OLA1: variants seen among roughly 807,000 people sequenced by gnomAD.
The protein encoded by OLA1 is Obg like ATPase 1.
Under a neutral mutation model 48.4 loss-of-function variants are expected in OLA1, and 14 were observed. The observed-to-expected ratio is 0.29, with a 90% confidence interval of 0.19 to 0.45. The LOEUF is 0.45. OLA1 is among the 20% of genes least tolerant of loss of function. OLA1 has a pLI of 1.00. For missense variants in OLA1, 325 were observed against 467.1 expected, an observed-to-expected ratio of 0.70 and a Z score of 2.80; for synonymous variants, 127 against 150.4, an observed-to-expected ratio of 0.84 and a Z score of 1.14.
intron 7 of OLA1, among the ~76,000 whole-genome samples, chr2:174,118,634 C>A (rs1156953932): frequency 6.6e-6 from 1 of 151,956 alleles, no homozygotes; most frequent in Non-Finnish European, 1.5e-5. Context: ...ATAACTTTTC[C>A]TGTTTATGTG....
chr2:174,142,515 G>A (rs1033821458), intron 4 of OLA1, among the ~76,000 whole-genome samples: 1 of 152,162 alleles, frequency 6.6e-6, no homozygotes, highest in Admixed American at 6.5e-5. Flanking sequence ...CCTGATTTGA[G>A]GGTATGGTTT....
Position 174,087,028 on chromosome 2 carries a change from T to C in OLA1, c.729-4964A>G, listed in dbSNP as rs116489131. On this transcript the variant is annotated intron_variant, in intron 7 of 10. Coordinates refer to ENST00000284719, the MANE Select transcript of OLA1 (RefSeq NM_013341.5). ...AGTCCTATTGTATATTCTTTCTTTT[T>C]TTCTTTTTTTTTTTTTTGAGACAAA... 8.7e-3 allele frequency among the ~76,000 whole-genome samples: 1,316 copies of C among 150,836 alleles called. 21 individuals are homozygous for C. The highest frequency in any genetic ancestry group is 0.029 in the African/African-American group (1,205 of 41,232).
chr2:174,196,723 GA>G, intron 4 of OLA1, among the ~76,000 whole-genome samples: 1 of 152,332 alleles, frequency 6.6e-6, no homozygotes, highest in Non-Finnish European at 1.5e-5. Context: ...ATGCACATAA[GA>G]CAACAGGTGG....
intron 4 of OLA1, among the ~76,000 whole-genome samples, chr2:174,170,114 T>C (rs1005415063): frequency 6.6e-6 from 1 of 152,202 alleles, no homozygotes; most frequent in African/African-American, 2.4e-5. Flanking sequence ...GCGCCTGTAG[T>C]CCCAGCTACT....
intron 7 of OLA1, among the ~76,000 whole-genome samples, chr2:174,087,917 T>C (rs1270889890): frequency 6.6e-6 from 1 of 152,206 alleles, no homozygotes; most frequent in Non-Finnish European, 1.5e-5. Flanking sequence ...AATCTGATTT[T>C]TTTAATATCA....
intron 4 of OLA1, among the ~76,000 whole-genome samples, chr2:174,213,920 G>A (rs1356229948): frequency 6.6e-6 from 1 of 151,352 alleles, no homozygotes; most frequent in Non-Finnish European, 1.5e-5. Context: ...TTATTAAGTA[G>A]CAAATTTTAT....
At chr2:174,245,787 G>A (rs1204098727) in intron 2 of OLA1, among the ~76,000 whole-genome samples, 1 of 149,956 alleles carries the variant, frequency 6.7e-6, no homozygotes, top group Non-Finnish European at 1.5e-5. Flanking sequence ...CCAGCTACCC[G>A]GGAGGCAGAG....
chr2:174,108,938 T>C (rs976832252), intron 7 of OLA1, among the ~76,000 whole-genome samples: 1 of 152,328 alleles, frequency 6.6e-6, no homozygotes, highest in East Asian at 1.9e-4. Flanking sequence ...GCATTTATTT[T>C]GCTCTTTAGA....
At chr2:174,097,987 C>G (rs1015313408) in intron 7 of OLA1, among the ~76,000 whole-genome samples, 1 of 152,050 alleles carries the variant, frequency 6.6e-6, no homozygotes, top group Non-Finnish European at 1.5e-5. Context: ...GGATACAAAG[C>G]CAAGGCAAAC....
At chr2:174,240,304 T>G (rs931751531) in intron 2 of OLA1, 6 of 152,202 alleles carry the variant, frequency 3.9e-5, no homozygotes, top group Admixed American at 1.3e-4. Flanking sequence ...ACCATATTGA[T>G]GCTGAACTTA....
intron 4 of OLA1, among the ~76,000 whole-genome samples, chr2:174,198,120 G>A (rs749046531): frequency 3.3e-5 from 5 of 151,990 alleles, no homozygotes; most frequent in African/African-American, 4.8e-5. Flanking sequence ...ATGCCACCAC[G>A]TCCAGCTAAT....
intron 4 of OLA1, 38 bp downstream of exon 4, chr2:174,222,995 T>C (rs1405275220): frequency 9.5e-6 from 15 of 1,572,150 alleles, no homozygotes; most frequent in Non-Finnish European, 1.2e-5. Context: ...AACACTGATC[T>C]GAATGAAATC....
chr2:174,247,571 G>A (rs1351504434), intron 1 of OLA1: 2 of 1,509,696 alleles, frequency 1.3e-6, no homozygotes, highest in Admixed American at 2.2e-5. Flanking sequence ...ACCACCAGCA[G>A]CCAAGTCACC....
intron 10 of OLA1, among the ~76,000 whole-genome samples, 185 bp downstream of exon 10, chr2:174,078,783 G>A (rs1684801711): frequency 1.3e-5 from 2 of 151,688 alleles, no homozygotes; most frequent in African/African-American, 4.8e-5. Context: ...TTTTTAAAAT[G>A]ATCTAAAAGT....
intron 4 of OLA1, among the ~76,000 whole-genome samples, chr2:174,143,222 G>A (rs1410159581): frequency 6.6e-6 from 1 of 151,960 alleles, no homozygotes; most frequent in Non-Finnish European, 1.5e-5. Flanking sequence ...TAAGTTTTTT[G>A]CATACAAATA....
intron 10 of OLA1, among the ~76,000 whole-genome samples, chr2:174,076,423 G>A (rs1363534072): frequency 1.3e-5 from 2 of 152,118 alleles, no homozygotes; most frequent in Admixed American, 6.5e-5. Flanking sequence ...TCTTTTGGGG[G>A]AAATTCTCAA....
At chr2:174,081,103 T>G in intron 9 of OLA1, 49 bp downstream of exon 9, 3 of 1,457,354 alleles carry the variant, frequency 2.1e-6, no homozygotes, top group Non-Finnish European at 2.9e-6. Flanking sequence ...TCAATCTGAA[T>G]TCAATAGTGT....
chr2:174,082,964 A>G (rs927292549), intron 7 of OLA1, among the ~76,000 whole-genome samples: 1 of 152,056 alleles, frequency 6.6e-6, no homozygotes, highest in African/African-American at 2.4e-5. Flanking sequence ...CTCACTTGTA[A>G]AAATAGAGAT....
At chr2:174,160,125 C>G (rs1686976794) in intron 4 of OLA1, among the ~76,000 whole-genome samples, 1 of 152,000 alleles carries the variant, frequency 6.6e-6, no homozygotes, top group Non-Finnish European at 1.5e-5. Flanking sequence ...TAATCATCAA[C>G]AAGAACATAC....
Sources: gnomAD v4.1 joint callset for allele counts (sites outside exome capture counted in the v4.1 genomes callset) on GRCh38, gnomAD v4.1.1 for gene constraint, MANE v1.5 for transcripts, NCBI Gene and HGNC (gene_info 2026-07-23, HGNC 2026-07-21) for gene names.